RANBP9: variants seen among roughly 807,000 people sequenced by gnomAD.
RANBP9 encodes RAN binding protein 9, also known as ran-binding protein 9.
Under a neutral mutation model 84.3 loss-of-function variants are expected in RANBP9, and 15 were observed. The ratio of observed to expected loss-of-function variants is 0.18; its 90% CI spans 0.12 to 0.27. The LOEUF is 0.27. Ranked by LOEUF, RANBP9 falls within the 10% of genes least tolerant of loss-of-function variation. RANBP9 has a pLI of 1.00. For synonymous variants in RANBP9, 392 were observed against 349.6 expected (o/e 1.12, Z -1.35); for missense variants, 809 against 912.8 (o/e 0.89, Z 1.46).
intron 1 of RANBP9, among the ~76,000 whole-genome samples, chr6:13,705,752 A>C (rs1758094184): frequency 6.6e-6 from 1 of 151,640 alleles, no homozygotes; most frequent in African/African-American, 2.4e-5. Context: ...AGTCCCAGCT[A>C]CTGGGGAGGC....
chr6:13,621,695 G>C lies in RANBP9; in HGVS notation c.*667C>G, dbSNP rs1460884054. 1 of 152,596 alleles carries C rather than the reference G, an allele frequency of 6.6e-6. No individual in the cohort carries two copies. Among genetic ancestry groups the C allele is most frequent in the South Asian group, 2.1e-4 (1 of 4,828 alleles). 9.5% of individuals were successfully genotyped at this position (152,596 alleles called of 1,614,324 possible). A position where few individuals can be genotyped will look rare whatever the true frequency, so the allele number is the denominator to read the frequency against. The stretch of plus-strand genomic sequence containing the variant: ...CATGTAATACTGTTATAATACAACA[G>C]TTAAACTTGTGAGTCTACAACAGAA... On this transcript the variant is annotated 3_prime_UTR_variant, in exon 14 of 14. Transcript: ENST00000011619.
chr6:13,656,741 T>G (rs1228114075), intron 4 of RANBP9, among the ~76,000 whole-genome samples: 1 of 152,156 alleles, frequency 6.6e-6, no homozygotes, highest in Non-Finnish European at 1.5e-5. Context: ...CCCCACACTA[T>G]CCTAACAACT....
At chr6:13,672,163 T>C (rs1364635147) in intron 2 of RANBP9, among the ~76,000 whole-genome samples, 1 of 152,106 alleles carries the variant, frequency 6.6e-6, no homozygotes, top group African/African-American at 2.4e-5. Context: ...AATCCCTCCA[T>C]TTTGAGTAGG....
intron 5 of RANBP9, 143 bp downstream of exon 5, chr6:13,652,511 TAGAGA>T (rs756708701): frequency 6.5e-5 from 45 of 697,198 alleles, no homozygotes; most frequent in African/African-American, 5.2e-4. Context: ...CCAAGGTGGT[TAGAGA>T]AAAGATCTCT....
intron 12 of RANBP9, among the ~76,000 whole-genome samples, chr6:13,626,983 C>G (rs561526863): frequency 6.6e-6 from 1 of 152,344 alleles, no homozygotes; most frequent in South Asian, 2.1e-4. Flanking sequence ...GACCACAAGG[C>G]ATGGAATACA....
intron 2 of RANBP9, among the ~76,000 whole-genome samples, chr6:13,670,660 C>T (rs868802624): frequency 6.6e-6 from 1 of 151,228 alleles, no homozygotes; most frequent in South Asian, 2.1e-4. Flanking sequence ...ATTAGACGGG[C>T]GTGGTGGTGG....
rs188807525 is a variant in RANBP9 at position 13,691,173 on chromosome 6, A to G, written c.683+5612T>C. 2.5e-3 allele frequency among the ~76,000 whole-genome samples: 373 copies of G among 149,640 alleles called. 14 individuals carry two copies. Among genetic ancestry groups the G allele is most frequent in the Non-Finnish European group, 2.1e-3 (144 of 67,938 alleles). On this transcript the variant is annotated intron_variant, in intron 2 of 13. Coordinates refer to ENST00000011619, the MANE Select transcript of RANBP9 (RefSeq NM_005493.3). The stretch of plus-strand genomic sequence containing the variant: ...ACAGAGACTCCGTCTCAAAAAAAAA[A>G]AAAAAAAAAGTCATGTAGATAAAGT...
At position 13,644,633 on chromosome 6, in the gene RANBP9, T is replaced by G. The variant is rs539741908; in HGVS notation, c.1024A>C (p.Met342Leu). ...TGGATTTTGGTTCTCCACTCCCGCA[T>G]ATAGTCTTCTATATCAAACACGAAA... ...HPFVFDIEDY[M>L]REWRTKIQAQ... The change falls in exon 6 of 14, where the codon ATG becomes CTG. Residue 342 changes from methionine to leucine, a missense_variant. Around this residue, in one of 5 missense-constraint regions of RANBP9, gnomAD observed 216 missense variants for 329.0 expected, o/e 0.66. Coordinates refer to ENST00000011619, the MANE Select transcript of RANBP9 (RefSeq NM_005493.3). The G allele has an allele frequency of 1.9e-6, 3 of 1,613,692 alleles. No homozygotes were observed. In the African/African-American group the frequency reaches 4.0e-5, roughly 22 times the overall value.
At chr6:13,648,558 T>C (rs1026148602) in intron 5 of RANBP9, among the ~76,000 whole-genome samples, 1 of 152,060 alleles carries the variant, frequency 6.6e-6, no homozygotes. Flanking sequence ...TAGAATAGTA[T>C]ATAGACAGAA....
At chr6:13,630,862 G>T (rs974529214) in intron 12 of RANBP9, among the ~76,000 whole-genome samples, 4 of 151,568 alleles carry the variant, frequency 2.6e-5, no homozygotes, top group African/African-American at 4.9e-5. Context: ...TTTTTAAGAG[G>T]CAAGGTCTCA....
At chr6:13,693,682 C>G (rs204223) in intron 2 of RANBP9, among the ~76,000 whole-genome samples, 145,983 of 152,298 alleles carry the variant, frequency 0.96, 70,019 homozygotes, top group East Asian at 1. Flanking sequence ...AACACAAGAA[C>G]TATGTCTGTA....
rs1057466052 is a variant in RANBP9 at position 13,711,645 on chromosome 6, A to G, written c.-140T>C. 1.9e-5 allele frequency: 14 copies of G among 739,880 alleles called. No homozygotes were observed. In the African/African-American group the frequency reaches 2.5e-4, roughly 13 times the overall value. The allele number at this position is 739,880 out of a possible 1,614,324, so 45.8% of individuals were successfully genotyped here. A position where few individuals can be genotyped will look rare whatever the true frequency, so the allele number is the denominator to read the frequency against. ...GAAGCAGGCGGCGGGCCGCGCGCCC[A>G]GGGAGACCGCGGCGGTTGAGGAGCT... On this transcript the variant is annotated 5_prime_UTR_variant, in exon 1 of 14. Coordinates refer to ENST00000011619, the MANE Select transcript of RANBP9 (RefSeq NM_005493.3).
intron 2 of RANBP9, among the ~76,000 whole-genome samples, chr6:13,680,096 T>C (rs536618651): frequency 2.0e-5 from 3 of 152,196 alleles, no homozygotes; most frequent in Non-Finnish European, 2.9e-5. Flanking sequence ...TACAGATCCT[T>C]TAGAATTTCT....
rs574926215 is a variant in RANBP9 at position 13,698,215 on chromosome 6, T to C, written c.572-1319A>G. ...TCCATTACCATGAAAACTTGGGTTA[T>C]GGGCAGAAGTTCTTTTAGCCTGGTG... is the stretch of plus-strand genomic sequence containing the variant. On this transcript the variant is annotated intron_variant, in intron 1 of 13. Coordinates refer to ENST00000011619, the MANE Select transcript of RANBP9 (RefSeq NM_005493.3). Among the ~76,000 whole-genome samples the C allele has an allele frequency of 2.0e-5, 3 of 152,298 alleles. No homozygotes were observed. In the East Asian group the frequency reaches 5.8e-4, roughly 29 times the overall value.
chr6:13,656,891 T>C (rs1403546255), intron 4 of RANBP9, among the ~76,000 whole-genome samples: 1 of 152,214 alleles, frequency 6.6e-6, no homozygotes, highest in African/African-American at 2.4e-5. Flanking sequence ...CAGTAACTCC[T>C]ATACATATAT....
chr6:13,680,399 G>T (rs932454167), intron 2 of RANBP9, among the ~76,000 whole-genome samples: 3 of 151,976 alleles, frequency 2.0e-5, no homozygotes, highest in Non-Finnish European at 2.9e-5. Context: ...CAAATTTCTT[G>T]TAAGAAAAAA....
chr6:13,632,643 T>C, intron 11 of RANBP9, 122 bp from the exon 12 acceptor site: 3 of 939,758 alleles, frequency 3.2e-6, no homozygotes, highest in East Asian at 2.5e-5. Flanking sequence ...TTCATCTAAA[T>C]ATGCAGATTG....
At position 13,637,874 on chromosome 6, in the gene RANBP9, T is replaced by C. The variant is rs973918323; in HGVS notation, c.1607A>G (p.Asn536Ser). 1 of 1,609,356 alleles carries C rather than the reference T, an allele frequency of 6.2e-7. No individual in the cohort carries two copies. ...ACTGTTTAGTTCTGGTACATTCAAG[T>C]TGGATGACTGGTGTTTATTACTATG... The part of the protein sequence containing the change: ...YCHSNKHQSS[N>S]LNVPELNSIN... Residue 536 changes from asparagine (N) to serine (S), a missense_variant, in exon 10 of 14, where the codon AAC becomes AGC. Coordinates refer to ENST00000011619, the MANE Select transcript of RANBP9 (RefSeq NM_005493.3).
At chr6:13,649,492 T>C (rs11755634) in intron 5 of RANBP9, among the ~76,000 whole-genome samples, 59,816 of 146,316 alleles carry the variant, frequency 0.41, 12,674 homozygotes, top group Admixed American at 0.51. Context: ...GTCACTAAAC[T>C]CTTTAACCAA....
Sources: gnomAD v4.1 joint callset for allele counts (sites outside exome capture counted in the v4.1 genomes callset) on GRCh38, gnomAD v4.1.1 for gene constraint, gnomAD v4.1.1 regional missense constraint, MANE v1.5 for transcripts, NCBI Gene and HGNC (gene_info 2026-07-23, HGNC 2026-07-21) for gene names.